DCLRE1C: variants seen among roughly 807,000 people sequenced by gnomAD.
DCLRE1C encodes DNA cross-link repair 1C, also known as protein artemis.
Under a neutral mutation model 61.4 loss-of-function variants are expected in DCLRE1C, and 47 were observed. The observed-to-expected ratio is 0.77, with a 90% CI of 0.61 to 0.98. The LOEUF is 0.98. Ranked by LOEUF, DCLRE1C falls within the 50% of genes least tolerant of loss-of-function variation. The probability of loss-of-function intolerance (pLI) is 0.00; values close to 1 mark genes in which losing one functional copy is unlikely to be tolerated. For missense variants in DCLRE1C, 858 were observed against 816.0 expected, an observed-to-expected ratio of 1.05 and a Z score of -0.63; for synonymous variants, 337 against 287.6, an observed-to-expected ratio of 1.17 and a Z score of -1.74.
At chr10:14,928,795 T>TC (rs1838469255) in intron 9 of DCLRE1C, among the ~76,000 whole-genome samples, 1 of 143,576 alleles carries the variant, frequency 7.0e-6, no homozygotes, top group Non-Finnish European at 1.5e-5. Flanking sequence ...TGTTTTTTTT[T>TC]TTTTTTTTAG....
intron 9 of DCLRE1C, among the ~76,000 whole-genome samples, chr10:14,929,586 G>A (rs1018891375): frequency 1.3e-5 from 2 of 152,032 alleles, no homozygotes; most frequent in Non-Finnish European, 2.9e-5. Flanking sequence ...AGGCTACAGT[G>A]AGCAATGATT....
At chr10:14,945,299 A>G (rs1841508292) in intron 2 of DCLRE1C, 110 bp from the exon 3 acceptor site, 1 of 1,410,778 alleles carries the variant, frequency 7.1e-7, no homozygotes, top group South Asian at 1.3e-5. Flanking sequence ...GACCAGTCTG[A>G]CCAACATGGT....
chr10:14,898,202 C>CTTTTTTTTTTTTTTTTTTTTTT (rs919860514), exon 14 of DCLRE1C: 2 of 56,156 alleles, frequency 3.6e-5, no homozygotes, highest in Non-Finnish European at 7.1e-5. Context: ...AGTACTGTTT[C>CTTTTTTTTTTTTTTTTTTTTTT]TTTTTTTTTT....
chr10:14,938,953 T>A (rs1840423799), intron 4 of DCLRE1C, among the ~76,000 whole-genome samples: 1 of 152,212 alleles, frequency 6.6e-6, no homozygotes, highest in African/African-American at 2.4e-5. Context: ...TAAATGTTCG[T>A]GTCCCTCCCC....
rs531431859 is a variant in DCLRE1C at position 14,949,261 on chromosome 10, C to T, written c.110-174G>A. 2.1e-3 allele frequency among the ~76,000 whole-genome samples: 316 copies of T among 152,284 alleles called. 2 individuals carry two copies. Among genetic ancestry groups the T allele is most frequent in the African/African-American group, 7.3e-3 (303 of 41,558 alleles). ...TCTTCTGCAAGTGAAGAATCCTCCTCAGAACAGGACCGGCTGCCCATTTCT... is the reference window on the plus strand; with the variant it reads ...TCTTCTGCAAGTGAAGAATCCTCCTTAGAACAGGACCGGCTGCCCATTTCT... On this transcript the variant is annotated intron_variant, in intron 1 of 13. Transcript: ENST00000378278.
intron 13 of DCLRE1C, among the ~76,000 whole-genome samples, chr10:14,910,292 A>C (rs1261822244): frequency 6.6e-6 from 1 of 152,228 alleles, no homozygotes; most frequent in Non-Finnish European, 1.5e-5. Context: ...AAGGTCACTA[A>C]GATATCTAAC....
chr10:14,950,744 T>C (rs41304320), intron 1 of DCLRE1C, among the ~76,000 whole-genome samples: 1,863 of 152,312 alleles, frequency 0.012, 41 homozygotes, highest in African/African-American at 0.043. Context: ...GGCAGCACCC[T>C]GCATGGTGCA....
intron 3 of DCLRE1C, among the ~76,000 whole-genome samples, chr10:14,944,138 G>T (rs150090459): frequency 1.3e-5 from 2 of 152,224 alleles, no homozygotes; most frequent in East Asian, 3.9e-4. Context: ...TAAATAAAAG[G>T]ATTTAGCAAT....
In DCLRE1C at chr10:14,908,689, C is replaced by A; in HGVS notation, c.1798G>T (p.Asp600Tyr). ...LMEQNVICPKDTYSDLKSRDK... is the reference protein window; with the variant it reads ...LMEQNVICPKYTYSDLKSRDK... ...CTGCTTTTCAAATCAGAGTAAGTATCCTTTGGGCAAATTACATTTTGTTCC... is the reference window on the plus strand; with the variant it reads ...CTGCTTTTCAAATCAGAGTAAGTATACTTTGGGCAAATTACATTTTGTTCC... Residue 600 changes from aspartate to tyrosine, a missense_variant, in exon 14 of 14, where the codon GAT (aspartate) becomes TAT (tyrosine). Physicochemically the swap from Asp to Tyr is radical, Grantham distance 160. Transcript: ENST00000378278. 6.2e-7 allele frequency: 1 copy of A among 1,614,154 alleles called. No individual in the cohort carries two copies. The highest frequency in any genetic ancestry group is 1.1e-5 in the South Asian group (1 of 91,072).
Position 14,915,044 on chromosome 10 carries a change from A to T in DCLRE1C, c.1156+4694T>A, listed in dbSNP as rs115183600. Among the ~76,000 whole-genome samples the T allele has an allele frequency of 6.6e-3, 1,008 of 152,300 alleles. 5 individuals carry two copies. Among genetic ancestry groups the T allele is most frequent in the African/African-American group, 0.022 (925 of 41,556 alleles). ...GTCCTCCAAAATTCAGAAACTAGTA[A>T]CAAATTTCTAAATAACCCATGTGTC... On this transcript the variant is annotated intron_variant, in intron 13 of 13. Coordinates refer to ENST00000378278, the MANE Select transcript of DCLRE1C (RefSeq NM_001033855.3).
chr10:14,933,085 T>C, intron 8 of DCLRE1C, 130 bp from the exon 9 acceptor site: 3 of 1,077,174 alleles, frequency 2.8e-6, no homozygotes, highest in Non-Finnish European at 2.8e-6. Flanking sequence ...AAGTAGTTTT[T>C]GGCTATTCAG....
At chr10:14,917,495 AAAAC>A (rs1025146196) in intron 13 of DCLRE1C, among the ~76,000 whole-genome samples, 2 of 152,050 alleles carry the variant, frequency 1.3e-5, no homozygotes, top group African/African-American at 4.8e-5. Context: ...TTAAAAAAAA[AAAAC>A]AAAAAAAACT....
At position 14,948,770 on chromosome 10, in the gene DCLRE1C, T is replaced by TATATATATATATATATATA. The variant is rs1554800030; in HGVS notation, c.161+265_161+266insTATATATATATATATATAT. 1.1e-3 allele frequency among the ~76,000 whole-genome samples: 157 copies of TATATATATATATATATATA among 143,658 alleles called. 4 individuals are homozygous for TATATATATATATATATATA. The highest frequency in any genetic ancestry group is 3.7e-3 in the African/African-American group (141 of 38,456). 94.2% of individuals were successfully genotyped at this position (143,658 alleles called of 152,430 possible). A position where few individuals can be genotyped will look rare whatever the true frequency, so the allele number is the denominator to read the frequency against. On this transcript the variant is annotated intron_variant, in intron 2 of 13. Transcript: ENST00000378278. ...TTTTTAGAGAGTGTATTTGGTAGGA[T>TATATATATATATATATATA]TATATATATATATATATATATCAAG...
At chr10:14,901,057 T>G, downstream of DCLRE1C, 1 of 1,536,214 alleles carries the variant, frequency 6.5e-7, no homozygotes, top group Non-Finnish European at 8.8e-7. Context: ...TCTAGGAAAG[T>G]AAACATTTTA....
At chr10:14,929,425 T>TAA (rs71388201) in intron 9 of DCLRE1C, among the ~76,000 whole-genome samples, 61 of 127,604 alleles carry the variant, frequency 4.8e-4, no homozygotes, top group African/African-American at 1.5e-3. Flanking sequence ...TTTTTTTAAT[T>TAA]AAAAAAAAAA....
Position 14,926,203 on chromosome 10 carries a change from G to A in DCLRE1C, c.972+640C>T, listed in dbSNP as rs558057515. On this transcript the variant is annotated intron_variant, in intron 11 of 13. Coordinates refer to ENST00000378278, the MANE Select transcript of DCLRE1C (RefSeq NM_001033855.3). ...TTGACAGAGTAAGAGCTGAAAGAAG[G>A]CAGAGCATTGCCTTGTTCTACCTGA... 2.0e-4 allele frequency among the ~76,000 whole-genome samples: 31 copies of A among 152,280 alleles called. 1 individual carries two copies. In the South Asian group the frequency reaches 6.2e-3, roughly 31 times the overall value.
In DCLRE1C at chr10:14,905,965, G is replaced by A. The variant is rs1363917867; in HGVS notation, c.*2443C>T. Among the ~76,000 whole-genome samples, 2 of 152,178 alleles carry A rather than the reference G, an allele frequency of 1.3e-5. No individual in the cohort carries two copies. The highest frequency in any genetic ancestry group is 3.9e-4 in the East Asian group (2 of 5,182). On this transcript the variant is annotated 3_prime_UTR_variant, in exon 14 of 14. Coordinates refer to ENST00000378278, the MANE Select transcript of DCLRE1C (RefSeq NM_001033855.3). ...CCACTGCATTCCAGCCTGAGTGACA[G>A]AGCGAGACTCCATCTTGAAAAGTAA...
At chr10:14,930,761 C>T (rs1838856947) in intron 9 of DCLRE1C, among the ~76,000 whole-genome samples, 1 of 152,026 alleles carries the variant, frequency 6.6e-6, no homozygotes, top group Non-Finnish European at 1.5e-5. Context: ...ACATTTTTAT[C>T]CATCCAAGAA....
At chr10:14,922,799 C>A (rs1837332627) in intron 12 of DCLRE1C, among the ~76,000 whole-genome samples, 182 bp downstream of exon 12, 1 of 152,128 alleles carries the variant, frequency 6.6e-6, no homozygotes. Context: ...ACTACCTATA[C>A]CTTCTGCCAC....
Sources: gnomAD v4.1 joint callset for allele counts (sites outside exome capture counted in the v4.1 genomes callset) on GRCh38, gnomAD v4.1.1 for gene constraint, MANE v1.5 for transcripts, NCBI Gene and HGNC (gene_info 2026-07-23, HGNC 2026-07-21) for gene names.